FOXP1: variants seen among roughly 807,000 people sequenced by gnomAD.
FOXP1 encodes forkhead box P1, also known as forkhead box protein P1.
A neutral mutation model predicts 98.2 loss-of-function variants in FOXP1; 15 were observed. The observed-to-expected ratio is 0.15, with a 90% confidence interval of 0.10 to 0.24. The LOEUF (loss-of-function observed/expected upper bound fraction) is 0.24. Ranked by LOEUF, FOXP1 falls within the 10% of genes least tolerant of loss-of-function variation. FOXP1 has a pLI of 1.00. For synonymous variants in FOXP1, 371 were observed against 314.5 expected (o/e 1.18, Z -1.90); for missense variants, 633 against 848.5 (o/e 0.75, Z 3.15).
intron 6 of FOXP1, among the ~76,000 whole-genome samples, chr3:71,124,963 CA>C (rs2059054818): frequency 1.3e-5 from 2 of 152,176 alleles, no homozygotes; most frequent in African/African-American, 4.8e-5. Flanking sequence ...TTTAATTGTA[CA>C]AAAAGCAAAC....
intron 5 of FOXP1, among the ~76,000 whole-genome samples, chr3:71,297,348 T>A (rs977101804): frequency 6.6e-6 from 1 of 152,096 alleles, no homozygotes; most frequent in Non-Finnish European, 1.5e-5. Flanking sequence ...CCTTGACCTA[T>A]GATATTTTTA....
At chr3:71,327,386 ATTTT>A (rs550372415) in intron 4 of FOXP1, among the ~76,000 whole-genome samples, 5 of 33,648 alleles carry the variant, frequency 1.5e-4, no homozygotes. Context: ...TGTCCAGCTA[ATTTT>A]TTTTTTTTTT....
Position 70,959,089 on chromosome 3 carries a change from T to C in FOXP1, c.*158A>G. On this transcript the variant is annotated 3_prime_UTR_variant, in exon 21 of 21. Coordinates refer to ENST00000649528, the MANE Select transcript of FOXP1 (RefSeq NM_001349338.3). ...AAATACTCCCAAATGGGGTTCTTGA[T>C]GGCACTAAGAGTTAACACATTTCAG... is the stretch of plus-strand genomic sequence containing the variant. The C allele has an allele frequency of 1.3e-6, 1 of 796,326 alleles. No homozygotes were observed. Among genetic ancestry groups the C allele is most frequent in the Non-Finnish European group, 2.0e-6 (1 of 495,726 alleles). 49.3% of individuals were successfully genotyped at this position (796,326 alleles called of 1,614,324 possible). A position where few individuals can be genotyped will look rare whatever the true frequency, so the allele number is the denominator to read the frequency against.
chr3:71,381,797 A>G (rs1314040117), intron 3 of FOXP1, among the ~76,000 whole-genome samples: 1 of 152,078 alleles, frequency 6.6e-6, no homozygotes, highest in Non-Finnish European at 1.5e-5. Flanking sequence ...AAGCACTCCT[A>G]CCAACATAGA....
At chr3:71,356,730 A>G (rs1010578492) in intron 4 of FOXP1, among the ~76,000 whole-genome samples, 2 of 152,152 alleles carry the variant, frequency 1.3e-5, no homozygotes, top group Non-Finnish European at 1.5e-5. Flanking sequence ...GTCTAAGCCA[A>G]TCTAACTTCA....
intron 3 of FOXP1, among the ~76,000 whole-genome samples, chr3:71,429,902 A>G (rs1485270129): frequency 6.6e-6 from 1 of 152,228 alleles, no homozygotes; most frequent in Non-Finnish European, 1.5e-5. Flanking sequence ...AGACAAGCCC[A>G]TTACCAGCAT....
At chr3:71,544,782 G>A (rs1053070912) in intron 2 of FOXP1, among the ~76,000 whole-genome samples, 1 of 152,026 alleles carries the variant, frequency 6.6e-6, no homozygotes, top group African/African-American at 2.4e-5. Context: ...GTTACCATAT[G>A]ATTAAGTGAA....
At chr3:71,000,851 C>T (rs1308349350) in intron 13 of FOXP1, 121 bp downstream of exon 13, 2 of 361,048 alleles carry the variant, frequency 5.5e-6, no homozygotes, top group African/African-American at 3.9e-5. Context: ...AAATAAAGGA[C>T]AATGACAGGT....
intron 7 of FOXP1, among the ~76,000 whole-genome samples, chr3:71,056,645 T>C (rs1391131046): frequency 1.3e-5 from 2 of 152,134 alleles, no homozygotes; most frequent in Non-Finnish European, 2.9e-5. Context: ...TGAAACCACG[T>C]TTTCATGCCA....
intron 2 of FOXP1, among the ~76,000 whole-genome samples, chr3:71,565,560 C>T (rs1055856688): frequency 6.6e-6 from 1 of 152,136 alleles, no homozygotes; most frequent in African/African-American, 2.4e-5. Context: ...TAATTAAGTG[C>T]TCAGGCTAGA....
At chr3:71,535,083 A>G (rs987024632) in intron 2 of FOXP1, among the ~76,000 whole-genome samples, 3 of 152,196 alleles carry the variant, frequency 2.0e-5, no homozygotes, top group African/African-American at 7.2e-5. Context: ...GCATTTAGTA[A>G]TAGTGCAAAT....
At chr3:71,088,584 T>G (rs965806704) in intron 7 of FOXP1, among the ~76,000 whole-genome samples, 2 of 152,128 alleles carry the variant, frequency 1.3e-5, no homozygotes, top group Non-Finnish European at 2.9e-5. Flanking sequence ...GCGTAAAGGA[T>G]CTCATTATTT....
chr3:71,014,222 A>G (rs4677381), intron 12 of FOXP1, among the ~76,000 whole-genome samples: 58,920 of 152,066 alleles, frequency 0.39, 14,444 homozygotes, highest in Non-Finnish European at 0.54. Flanking sequence ...CAGGCAACCT[A>G]CAGAATGGGA....
At chr3:71,026,994 G>T (rs969773400) in intron 11 of FOXP1, among the ~76,000 whole-genome samples, 1 of 152,168 alleles carries the variant, frequency 6.6e-6, no homozygotes, top group African/African-American at 2.4e-5. Flanking sequence ...ACCAGTAAGG[G>T]CTATTCTGAG....
chr3:71,581,229 T>A, intron 2 of FOXP1: 1 of 985,294 alleles, frequency 1.0e-6, no homozygotes, highest in Non-Finnish European at 1.2e-6. Flanking sequence ...TTGGAAATAA[T>A]TAATAGTTAT....
chr3:70,977,915 G>C lies in FOXP1; in HGVS notation c.1261C>G (p.Pro421Ala). Residue 421 changes from proline (P) to alanine (A), a missense_variant, in exon 15 of 21, where the codon CCC becomes GCC. Physicochemically the swap from Pro to Ala is conservative, Grantham distance 27. Around this residue, in one of 6 missense-constraint regions of FOXP1, gnomAD observed 141 missense variants for 199.5 expected, o/e 0.71. Coordinates refer to ENST00000649528, the MANE Select transcript of FOXP1 (RefSeq NM_001349338.3). Reference sequence around the variant, plus strand: ...ATGCTGGTGGTTGTGATGACAGAGGGGCCTTGGGTGACGGGAGTCAGGGGG... The same window carrying C: ...ATGCTGGTGGTTGTGATGACAGAGGCGCCTTGGGTGACGGGAGTCAGGGGG... The part of the protein sequence containing the change: ...TAPLTPVTQG[P>A]SVITTTSMHT... 1 of 1,614,190 alleles carries C rather than the reference G, an allele frequency of 6.2e-7. No individual in the cohort carries two copies. The highest frequency in any genetic ancestry group is 1.1e-5 in the South Asian group (1 of 91,082).
At position 71,228,981 on chromosome 3, in the gene FOXP1, T is replaced by TTC. The variant is rs56144991; in HGVS notation, c.-11-30590_-11-30589insGA. On this transcript the variant is annotated intron_variant, in intron 5 of 20. Coordinates refer to ENST00000649528, the MANE Select transcript of FOXP1 (RefSeq NM_001349338.3). ...TACTGTTGGTTGTTTTTTTTTTTTT[T>TTC]GATGTCTCATTTTTTAAAGGTTATT... Among the ~76,000 whole-genome samples the TTC allele has an allele frequency of 6.3e-3, 913 of 145,582 alleles. 4 individuals carry two copies. The highest frequency in any genetic ancestry group is 0.014 in the Middle Eastern group (4 of 278).
At position 71,073,764 on chromosome 3, in the gene FOXP1, C is replaced by G. The variant is rs1328823084; in HGVS notation, c.283-19991G>C. On this transcript the variant is annotated intron_variant, in intron 7 of 20. Coordinates refer to ENST00000649528, the MANE Select transcript of FOXP1 (RefSeq NM_001349338.3). ...TCGCAAGCACACAGTGTCTAGCAAA[C>G]CCTCCAATGTTGTTCACAGCTGGGG... Among the ~76,000 whole-genome samples the G allele has an allele frequency of 6.6e-5, 10 of 152,150 alleles. No individual in the cohort carries two copies. The South Asian group carries it at 2.1e-3, about 32-fold the overall frequency.
chr3:71,343,679 T>C (rs2077150938), intron 4 of FOXP1, among the ~76,000 whole-genome samples: 1 of 150,458 alleles, frequency 6.6e-6, no homozygotes, highest in African/African-American at 2.4e-5. Flanking sequence ...CCTCTGAGAC[T>C]ACAGGTGTGT....
Sources: gnomAD v4.1 joint callset for allele counts (sites outside exome capture counted in the v4.1 genomes callset) on GRCh38, gnomAD v4.1.1 for gene constraint, gnomAD v4.1.1 regional missense constraint, MANE v1.5 for transcripts, NCBI Gene and HGNC (gene_info 2026-07-23, HGNC 2026-07-21) for gene names.